Variants in AKR1C8 observed in about 807,000 individuals in gnomAD.
AKR1C8 encodes aldo-keto reductase family 1 member C8.
the AKR1C8 span, among the ~76,000 whole-genome samples, chr10:5,176,382 CT>C: frequency 6.9e-6 from 1 of 144,054 alleles, no homozygotes; most frequent in African/African-American, 2.5e-5. Context: ...TTACTGTAGC[CT>C]TGTAGTATAG....
the AKR1C8 span, among the ~76,000 whole-genome samples, chr10:5,182,391 T>A: frequency 6.6e-6 from 1 of 152,144 alleles, no homozygotes; most frequent in Non-Finnish European, 1.5e-5. Context: ...TCTATGCAGT[T>A]CCCAAACAGG....
the AKR1C8 span, among the ~76,000 whole-genome samples, chr10:5,121,133 A>T: frequency 6.6e-6 from 1 of 152,110 alleles, no homozygotes; most frequent in Non-Finnish European, 1.5e-5. Flanking sequence ...ACACATAAAA[A>T]ATTTCATTTT....
the AKR1C8 span, among the ~76,000 whole-genome samples, chr10:5,135,585 ATCATCTG>A: frequency 1.3e-5 from 2 of 152,092 alleles, no homozygotes; most frequent in African/African-American, 4.8e-5. Context: ...TCTATCATCT[ATCATCTG>A]TCTATCTCAT....
At chr10:5,163,119 C>T in the AKR1C8 span, 1 of 420,926 alleles carries the variant, frequency 2.4e-6, no homozygotes, top group Non-Finnish European at 4.8e-6. Context: ...TGCTGGCCGC[C>T]TCCTCCAATT....
At chr10:5,150,249 G>A in the AKR1C8 span, among the ~76,000 whole-genome samples, 2 of 152,010 alleles carry the variant, frequency 1.3e-5, no homozygotes, top group Non-Finnish European at 2.9e-5. Flanking sequence ...TTGGACAAGA[G>A]GTGATTATAA....
At chr10:5,163,839 TGCCTTTGTCCCAACATAAAAAC>T in the AKR1C8 span, among the ~76,000 whole-genome samples, 1,141 of 152,286 alleles carry the variant, frequency 7.5e-3, 11 homozygotes, top group African/African-American at 0.025. Flanking sequence ...ACCACAGATA[TGCCTTTGTCCCAACATAAAAAC>T]GCCTTTGTCC....
At chr10:5,155,484 TAC>T in the AKR1C8 span, 1 of 287,656 alleles carries the variant, frequency 3.5e-6, no homozygotes, top group South Asian at 3.4e-5. Context: ...CAGTTTCACT[TAC>T]AGACACATTT....
At chr10:5,162,111 G>A in the AKR1C8 span, 137 of 384,058 alleles carry the variant, frequency 3.6e-4, no homozygotes, top group African/African-American at 2.7e-3. Flanking sequence ...CTAAACATAT[G>A]TTACTCAGTA....
At chr10:5,167,778 CAAAA>C in the AKR1C8 span, among the ~76,000 whole-genome samples, 2 of 151,340 alleles carry the variant, frequency 1.3e-5, no homozygotes, top group African/African-American at 4.9e-5. Context: ...TTAAGTATAA[CAAAA>C]AAAAGACAGT....
the AKR1C8 span, among the ~76,000 whole-genome samples, chr10:5,158,437 A>T: frequency 6.6e-6 from 1 of 152,034 alleles, no homozygotes; most frequent in Non-Finnish European, 1.5e-5. Context: ...TGTTGGTGAC[A>T]TTTAAGCTCA....
the AKR1C8 span, chr10:5,123,653 T>A: frequency 2.7e-6 from 4 of 1,467,308 alleles, no homozygotes; most frequent in Non-Finnish European, 3.8e-6. Flanking sequence ...GAGTACCATA[T>A]AATTAAAATA....
the AKR1C8 span, among the ~76,000 whole-genome samples, chr10:5,167,141 C>T: frequency 6.6e-6 from 1 of 152,240 alleles, no homozygotes; most frequent in South Asian, 2.1e-4. Flanking sequence ...ACAACAGGTG[C>T]TGGAGAGGAT....
At chr10:5,175,918 T>G in the AKR1C8 span, among the ~76,000 whole-genome samples, 4 of 152,198 alleles carry the variant, frequency 2.6e-5, no homozygotes, top group African/African-American at 4.8e-5. Flanking sequence ...TTTCTCCCAT[T>G]TCGTAGGTTG....
chr10:5,123,306 A>C, the AKR1C8 span: 1 of 252,214 alleles, frequency 4.0e-6, no homozygotes, highest in Admixed American at 4.2e-5. Context: ...TGTTCATTGG[A>C]GCTCTTGACC....
the AKR1C8 span, among the ~76,000 whole-genome samples, chr10:5,146,976 G>A: frequency 8.4e-4 from 128 of 152,234 alleles, no homozygotes; most frequent in Non-Finnish European, 1.4e-3. Flanking sequence ...AGGCATACCC[G>A]AAGGTGAGTA....
chr10:5,136,949 C>G, the AKR1C8 span, among the ~76,000 whole-genome samples: 1 of 152,024 alleles, frequency 6.6e-6, no homozygotes, highest in African/African-American at 2.4e-5. Context: ...CATTCCAGAC[C>G]ACCAACATAA....
the AKR1C8 span, among the ~76,000 whole-genome samples, chr10:5,140,432 T>C: frequency 6.6e-6 from 1 of 151,896 alleles, no homozygotes; most frequent in Non-Finnish European, 1.5e-5. Flanking sequence ...ATTAAGAAAA[T>C]GTGGCACATA....
At chr10:5,146,649 T>C in the AKR1C8 span, among the ~76,000 whole-genome samples, 19 of 152,276 alleles carry the variant, frequency 1.2e-4, no homozygotes, top group African/African-American at 4.6e-4. Flanking sequence ...TGAATAGTTA[T>C]GGAAAACTAT....
chr10:5,116,935 G>T, the AKR1C8 span, among the ~76,000 whole-genome samples: 6 of 152,162 alleles, frequency 3.9e-5, no homozygotes, highest in East Asian at 1.9e-4. Context: ...TCCCACACTT[G>T]TTGGCCGAAG....
Sources: gnomAD v4.1 joint callset for allele counts (sites outside exome capture counted in the v4.1 genomes callset) on GRCh38, gnomAD v4.1.1 for gene constraint, MANE v1.5 for transcripts, NCBI Gene and HGNC (gene_info 2026-07-23, HGNC 2026-07-21) for gene names.